Variants in HTT observed in about 807,000 individuals in gnomAD.
The protein encoded by HTT is huntingtin.
In HTT, 104 loss-of-function variants were observed where a neutral mutation model predicts 362.3. The observed-to-expected ratio is 0.29, with a 90% CI of 0.24 to 0.34. HTT has a LOEUF of 0.34. Ranked by LOEUF, HTT falls within the 10% of genes least tolerant of loss-of-function variation. The pLI is 1.00. For synonymous variants in HTT, 1,577 were observed against 1,548.7 expected, an observed-to-expected ratio of 1.02 and a Z score of -0.43; for missense variants, 3,301 against 3,928.6, an observed-to-expected ratio of 0.84 and a Z score of 4.27.
chr4:3,168,200 A>C (rs1353978241), intron 29 of HTT, among the ~76,000 whole-genome samples: 1 of 152,164 alleles, frequency 6.6e-6, no homozygotes, highest in East Asian at 1.9e-4. Context: ...AGATGCTTAG[A>C]TTGTCAGGCC....
chr4:3,088,003 A>G (rs1262091353), intron 2 of HTT, among the ~76,000 whole-genome samples: 1 of 151,950 alleles, frequency 6.6e-6, no homozygotes, highest in Non-Finnish European at 1.5e-5. Context: ...GGCATGTGCT[A>G]CTGTGCCCAG....
rs1719853165 is a variant in HTT, at chr4:3,206,364, T to C, written c.5719-132T>C. On this transcript the variant is annotated intron_variant, in intron 42 of 66. Coordinates refer to ENST00000355072, the MANE Select transcript of HTT (RefSeq NM_001388492.1). The surrounding 1 kb of genome is among the most constrained non-coding windows in gnomAD (Gnocchi z 4.6). ...TCCTCAATTATTTGTGCTCATACAC[T>C]GTATATTTTTAGTGAGGTTTATATT... 8.7e-6 allele frequency: 6 copies of C among 690,540 alleles called. No individual in the cohort carries two copies. In the East Asian group the frequency reaches 1.3e-4, roughly 15 times the overall value. The allele number at this position is 690,540 out of a possible 1,614,324, so 42.8% of individuals were successfully genotyped here.
chr4:3,144,698 C>G (rs1439102468), intron 23 of HTT, among the ~76,000 whole-genome samples: 2 of 152,216 alleles, frequency 1.3e-5, no homozygotes, highest in Non-Finnish European at 1.5e-5. Flanking sequence ...GCAGTATGGT[C>G]TTCCCTTGAT....
intron 22 of HTT, among the ~76,000 whole-genome samples, chr4:3,141,312 C>G (rs1716334322): frequency 6.6e-6 from 1 of 152,040 alleles, no homozygotes; most frequent in South Asian, 2.1e-4. Context: ...TTTTTTTCTG[C>G]TGAGTAACAG....
At chr4:3,171,608 G>C (rs1717979929) in intron 29 of HTT, among the ~76,000 whole-genome samples, 1 of 151,890 alleles carries the variant, frequency 6.6e-6, no homozygotes, top group South Asian at 2.1e-4. Context: ...CTCTCAAGTA[G>C]CTGGGATTAC....
Position 3,214,174 on chromosome 4 carries a change from T to C in HTT, c.6952+39T>C, listed in dbSNP as rs1720286503. On this transcript the variant is annotated intron_variant, in intron 50 of 66. Transcript: ENST00000355072. Reference sequence around the variant, plus strand: ...CATGAACGGTGGGTTCCTATCATAGTTCCTGTCTGCTTCACCATGTTTTTA... The same window carrying C: ...CATGAACGGTGGGTTCCTATCATAGCTCCTGTCTGCTTCACCATGTTTTTA... 2.9e-6 allele frequency: 4 copies of C among 1,387,158 alleles called. No individual in the cohort carries two copies. The South Asian group carries it at 5.1e-5, about 18-fold the overall frequency. 85.9% of individuals were successfully genotyped at this position (1,387,158 alleles called of 1,614,324 possible). A position where few individuals can be genotyped will look rare whatever the true frequency, so the allele number is the denominator to read the frequency against.
At chr4:3,133,937 T>C (rs990832501) in intron 18 of HTT, among the ~76,000 whole-genome samples, 2 of 152,074 alleles carry the variant, frequency 1.3e-5, no homozygotes, top group Non-Finnish European at 2.9e-5. Flanking sequence ...CCCTGGGTGC[T>C]TGGGGCTGCA....
At chr4:3,161,120 G>A (rs1263214054) in intron 29 of HTT, among the ~76,000 whole-genome samples, 1 of 152,064 alleles carries the variant, frequency 6.6e-6, no homozygotes, top group East Asian at 1.9e-4. Flanking sequence ...TCCTCCCTGT[G>A]CCCATGTGTT....
At chr4:3,101,429 T>A (rs1714150277) in intron 3 of HTT, among the ~76,000 whole-genome samples, 1 of 152,194 alleles carries the variant, frequency 6.6e-6, no homozygotes, top group Non-Finnish European at 1.5e-5. Context: ...TCAGATGCTG[T>A]AGTTGTCAGG....
At chr4:3,125,695 T>G (rs1715489806) in intron 11 of HTT, 66 bp downstream of exon 11, 2 of 1,184,436 alleles carry the variant, frequency 1.7e-6, no homozygotes, top group Non-Finnish European at 2.5e-6. Context: ...TTGCCCTTCC[T>G]GCTCGTCCCC....
rs1264212340 is a variant in HTT, at chr4:3,206,529, T to C, written c.5752T>C (p.Trp1918Arg). The C allele has an allele frequency of 1.9e-6, 3 of 1,614,102 alleles. No homozygotes were observed. In the South Asian group the frequency reaches 3.3e-5, roughly 18 times the overall value. The change falls in exon 43 of 67, where the codon TGG becomes CGG. Residue 1918 changes from tryptophan (W) to arginine (R), a missense_variant. Physicochemically the swap from Trp to Arg is moderately radical, Grantham distance 101 (BLOSUM62 -3). Transcript: ENST00000355072. The surrounding 1 kb of genome is among the most constrained non-coding windows in gnomAD (Gnocchi z 4.6). Reference protein sequence around the residue: ...QNLHDSEHLTWLIVNHIQDLI... With the variant: ...QNLHDSEHLTRLIVNHIQDLI... ...CCTCCATGACTCCGAGCACTTAACG[T>C]GGCTCATTGTAAATCACATTCAAGA...
At position 3,228,907 on chromosome 4, in the gene HTT, C is replaced by T. The variant is rs777456513; in HGVS notation, c.8007C>T (p.His2669=). 6 of 1,613,820 alleles carry T rather than the reference C, an allele frequency of 3.7e-6. No individual in the cohort carries two copies. The South Asian group carries it at 5.5e-5, about 15-fold the overall frequency. ...AACACCGGGCTGGAGTTGACATCCA[C>T]TCCTGTTCGCAGTTTTTGCTTGAGT... ...SRKHRAGVDI[H]SCSQFLLELY... is the part of the protein sequence containing the mutation. Residue 2669 remains histidine, a synonymous_variant, in exon 59 of 67, where the codon CAC becomes CAT. Transcript: ENST00000355072. This position sits in a 1 kb window ranked among gnomAD's most constrained non-coding sequence, Gnocchi z 4.3.
intron 8 of HTT, among the ~76,000 whole-genome samples, chr4:3,118,438 T>A (rs547390742): frequency 3.9e-5 from 6 of 152,316 alleles, no homozygotes; most frequent in African/African-American, 1.4e-4. Context: ...CCGTCACTTA[T>A]GGGCACGTGG....
Position 3,223,974 on chromosome 4 carries a change from C to T in HTT, c.7626-18C>T, listed in dbSNP as rs546466257. 6.2e-7 allele frequency: 1 copy of T among 1,613,406 alleles called. No individual in the cohort carries two copies. Among genetic ancestry groups the T allele is most frequent in the Non-Finnish European group, 8.5e-7 (1 of 1,179,460 alleles). On this transcript the variant is annotated intron_variant, in intron 55 of 66. Coordinates refer to ENST00000355072, the MANE Select transcript of HTT (RefSeq NM_001388492.1). ...TTGAAGGAAACAAAACACTCTTTACCTTTTTTCTAAAATGTAGGTTTGGGA... is the reference window on the plus strand; with the variant it reads ...TTGAAGGAAACAAAACACTCTTTACTTTTTTTCTAAAATGTAGGTTTGGGA...
intron 1 of HTT, among the ~76,000 whole-genome samples, chr4:3,076,416 A>C (rs1200881039): frequency 6.6e-6 from 1 of 152,134 alleles, no homozygotes; most frequent in Non-Finnish European, 1.5e-5. Context: ...TTCTGTTATG[A>C]TCCTTGTCTC....
chr4:3,132,168 T>C (rs1033258534), intron 16 of HTT, among the ~76,000 whole-genome samples: 1 of 152,324 alleles, frequency 6.6e-6, no homozygotes, highest in African/African-American at 2.4e-5. Flanking sequence ...CGCCCATGCT[T>C]ACTATGGAGC....
Position 3,132,796 on chromosome 4 carries a change from G to C in HTT, c.2396-18G>C, listed in dbSNP as rs745862632. ...TTAAGTTTAGATGATGATGTTTGTT[G>C]CTTGTTCTTCTGGTTAGGAAATACA... On this transcript the variant is annotated intron_variant, in intron 17 of 66. Transcript: ENST00000355072. 5 of 1,613,146 alleles carry C rather than the reference G, an allele frequency of 3.1e-6. No homozygotes were observed. The highest frequency in any genetic ancestry group is 2.2e-5 in the South Asian group (2 of 91,062).
chr4:3,214,008 C>T lies in HTT; in HGVS notation c.6825C>T (p.Leu2275=), dbSNP rs780305834. 293 of 1,604,424 alleles carry T rather than the reference C, an allele frequency of 1.8e-4. No homozygotes were observed. The highest frequency in any genetic ancestry group is 1.6e-5 in the Non-Finnish European group (19 of 1,174,376). ...AGCAGATCCCGCTGAGTCTGGATCT[C>T]CAGGCAGGGCTGGACTGCTGCTGCC... ...IHEQIPLSLD[L]QAGLDCCCLA... Residue 2275 remains leucine, a synonymous_variant, in exon 50 of 67, where the codon CTC becomes CTT. Transcript: ENST00000355072.
In HTT at chr4:3,236,263, C is replaced by T. The variant is rs747176607; in HGVS notation, c.8891+9C>T. On this transcript the variant is annotated intron_variant, in intron 64 of 66. Transcript: ENST00000355072. ...TCTGTTCTTTTTGATAGGTAAGAAG[C>T]GAAGCCCCATCCCTCAGCCGTTAGC... The T allele has an allele frequency of 1.1e-5, 18 of 1,576,572 alleles. No homozygotes were observed. The highest frequency in any genetic ancestry group is 2.2e-5 in the East Asian group (1 of 44,704).
Sources: allele counts gnomAD v4.1 joint callset (sites outside exome capture counted in the v4.1 genomes callset), GRCh38; gene constraint gnomAD v4.1.1; non-coding constraint Gnocchi (gnomAD v3.1); transcripts MANE v1.5; gene names NCBI Gene and HGNC (gene_info 2026-07-23, HGNC 2026-07-21).